GALNT11: variants seen among roughly 807,000 people sequenced by gnomAD.
GALNT11 encodes the protein polypeptide N-acetylgalactosaminyltransferase 11.
Under a neutral mutation model 72.7 loss-of-function variants are expected in GALNT11, and 47 were observed. That is an observed-to-expected ratio of 0.65 (90% CI 0.51 to 0.82). The LOEUF (loss-of-function observed/expected upper bound fraction) is 0.82. Among genes scored for constraint, GALNT11 ranks in the 40% least tolerant of loss-of-function variants. The pLI is 0.00. For synonymous variants in GALNT11, 270 were observed against 286.6 expected (o/e 0.94, Z 0.58); for missense variants, 677 against 778.4 (o/e 0.87, Z 1.55).
intron 1 of GALNT11, among the ~76,000 whole-genome samples, chr7:152,028,362 C>T (rs1001818941): frequency 2.0e-5 from 3 of 152,118 alleles, no homozygotes; most frequent in African/African-American, 7.2e-5. Context: ...CTGATTGGTG[C>T]GTTTACAAAC....
intron 1 of GALNT11, among the ~76,000 whole-genome samples, chr7:152,039,316 A>G (rs2082734746): frequency 6.6e-6 from 1 of 152,178 alleles, no homozygotes; most frequent in Non-Finnish European, 1.5e-5. Context: ...TGAGGGTGGT[A>G]TGCCTCAATT....
At position 152,120,913 on chromosome 7, in the gene GALNT11, C is replaced by G. The variant is rs761623441; in HGVS notation, c.1640C>G (p.Pro547Arg). 4 of 1,613,972 alleles carry G rather than the reference C, an allele frequency of 2.5e-6. No individual in the cohort carries two copies. The highest frequency in any genetic ancestry group is 3.4e-6 in the Non-Finnish European group (4 of 1,179,986). The change falls in exon 11 of 12, where the codon CCG (proline) becomes CGG (arginine). Residue 547 changes from proline to arginine, a missense_variant. By Grantham distance (103) the Pro-to-Arg change is moderately radical (BLOSUM62 -2). Transcript: ENST00000430044. Reference sequence around the variant, plus strand: ...ATGTCAGAGACTCGCTCATCAGACCCGCCACGGCTCATGAAATGCCACGGG... The same window carrying G: ...ATGTCAGAGACTCGCTCATCAGACCGGCCACGGCTCATGAAATGCCACGGG... ...LDMSETRSSD[P>R]PRLMKCHGSG...
chr7:152,047,465 AAAAC>A (rs563719209), intron 1 of GALNT11, among the ~76,000 whole-genome samples: 1,536 of 152,126 alleles, frequency 0.01, 24 homozygotes, highest in African/African-American at 0.035. Context: ...ACTCCATCTC[AAAAC>A]AAACAAACAA....
intron 1 of GALNT11, among the ~76,000 whole-genome samples, chr7:152,027,376 A>G (rs1390255655): frequency 2.6e-5 from 4 of 152,208 alleles, no homozygotes; most frequent in African/African-American, 9.7e-5. Context: ...CTTCTCAAGC[A>G]TTTATCCTTT....
At chr7:152,103,002 G>T in intron 3 of GALNT11, 110 bp from the exon 4 acceptor site, 3 of 1,024,376 alleles carry the variant, frequency 2.9e-6, no homozygotes, top group South Asian at 3.8e-5. Flanking sequence ...AAAAAGGCAG[G>T]GGGTGGGGGA....
At chr7:152,063,200 G>A (rs2084114272) in intron 1 of GALNT11, among the ~76,000 whole-genome samples, 1 of 152,138 alleles carries the variant, frequency 6.6e-6, no homozygotes, top group Non-Finnish European at 1.5e-5. Context: ...TTGGGAGGGT[G>A]TATGTGTCCA....
chr7:152,104,912 G>A (rs953651280), intron 4 of GALNT11: 1 of 161,298 alleles, frequency 6.2e-6, no homozygotes, highest in Non-Finnish European at 1.3e-5. Flanking sequence ...TTATCAATGT[G>A]ATTTATATAT....
At chr7:152,119,998 G>A (rs1467767154) in intron 10 of GALNT11, 1 of 152,136 alleles carries the variant, frequency 6.6e-6, no homozygotes, top group Non-Finnish European at 1.5e-5. Context: ...GCTGAAATTT[G>A]TTCCAGAAAA....
At chr7:152,032,333 T>C (rs1442391552) in intron 1 of GALNT11, among the ~76,000 whole-genome samples, 1 of 151,832 alleles carries the variant, frequency 6.6e-6, no homozygotes, top group Non-Finnish European at 1.5e-5. Flanking sequence ...GTCATGGGAG[T>C]CATAGTGCAG....
intron 1 of GALNT11, among the ~76,000 whole-genome samples, chr7:152,054,276 G>GA (rs1167316300): frequency 1.3e-5 from 2 of 151,726 alleles, no homozygotes; most frequent in Non-Finnish European, 2.9e-5. Flanking sequence ...AAAGACAAGG[G>GA]AACTTCATTA....
At chr7:152,109,218 C>A (rs1294370316) in intron 6 of GALNT11, among the ~76,000 whole-genome samples, 1 of 152,238 alleles carries the variant, frequency 6.6e-6, no homozygotes, top group East Asian at 1.9e-4. Context: ...GATCAGTCCT[C>A]TGTTTTTCCG....
intron 1 of GALNT11, among the ~76,000 whole-genome samples, chr7:152,041,152 G>C (rs557045928): frequency 6.6e-6 from 1 of 152,194 alleles, no homozygotes; most frequent in Non-Finnish European, 1.5e-5. Context: ...CAGGTATCTT[G>C]ATGGTATCCA....
chr7:152,101,702 C>T (rs930225620), intron 3 of GALNT11, among the ~76,000 whole-genome samples: 2 of 149,214 alleles, frequency 1.3e-5, no homozygotes, highest in Non-Finnish European at 3.0e-5. Flanking sequence ...GGCATGATGT[C>T]GGCTCACTAT....
chr7:152,058,789 C>T (rs2083839140), intron 1 of GALNT11, among the ~76,000 whole-genome samples: 1 of 152,230 alleles, frequency 6.6e-6, no homozygotes, highest in South Asian at 2.1e-4. Flanking sequence ...GCTACTTTAT[C>T]AACTAAATTT....
intron 1 of GALNT11, among the ~76,000 whole-genome samples, chr7:152,073,337 C>G (rs1481735873): frequency 6.6e-6 from 1 of 152,162 alleles, no homozygotes; most frequent in Non-Finnish European, 1.5e-5. Flanking sequence ...CTAGTATCCT[C>G]TGTTCTGATT....
intron 1 of GALNT11, among the ~76,000 whole-genome samples, chr7:152,081,661 T>C (rs1386878813): frequency 6.6e-6 from 1 of 152,234 alleles, no homozygotes; most frequent in South Asian, 2.1e-4. Flanking sequence ...GCAAAGATGA[T>C]GTCAGCTTCC....
chr7:152,108,212 G>A lies in GALNT11; in HGVS notation c.887G>A (p.Trp296Ter), dbSNP rs1262580798. 2 of 1,614,058 alleles carry A rather than the reference G, an allele frequency of 1.2e-6. No individual in the cohort carries two copies. Among genetic ancestry groups the A allele is most frequent in the Non-Finnish European group, 1.7e-6 (2 of 1,180,040 alleles). Residue 296 changes from tryptophan (W) to a stop codon, truncating the protein, a stop_gained, in exon 6 of 12, where the codon TGG becomes TAG. Transcript: ENST00000430044. LOFTEE classifies it high-confidence loss of function. ...SSPVVRGGFNWGLHFKWDLVP... is the reference protein window; with the variant it reads ...SSPVVRGGFN ...CCTGTCGTCCGCGGAGGGTTCAACT[G>A]GGGACTGCACTTCAAATGGGATCTT...
At chr7:152,029,441 A>G (rs1563036266) in intron 1 of GALNT11, among the ~76,000 whole-genome samples, 1 of 152,224 alleles carries the variant, frequency 6.6e-6, no homozygotes, top group Admixed American at 6.5e-5. Context: ...GGGTACTGAT[A>G]GGGTCTGATT....
chr7:152,060,413 T>G (rs1373379706), intron 1 of GALNT11, among the ~76,000 whole-genome samples: 1 of 152,210 alleles, frequency 6.6e-6, no homozygotes, highest in African/African-American at 2.4e-5. Flanking sequence ...GCAAGAGGCC[T>G]AGCTTTCAGC....
Sources: gnomAD v4.1 joint callset for allele counts (sites outside exome capture counted in the v4.1 genomes callset) on GRCh38, gnomAD v4.1.1 for gene constraint, MANE v1.5 for transcripts, NCBI Gene and HGNC (gene_info 2026-07-23, HGNC 2026-07-21) for gene names.